CFTR: variants seen among roughly 807,000 people sequenced by gnomAD.
CFTR encodes cystic fibrosis transmembrane conductance regulator.
In CFTR, 181 loss-of-function variants were observed where a neutral mutation model predicts 171.6. The observed-to-expected ratio is 1.05, with a 90% confidence interval of 0.93 to 1.19. The LOEUF (loss-of-function observed/expected upper bound fraction) is 1.19. Among genes scored for constraint, CFTR ranks in the 50% most tolerant of loss-of-function variants. The probability of loss-of-function intolerance (pLI) is 0.00; values close to 1 mark genes in which losing one functional copy is unlikely to be tolerated. For synonymous variants in CFTR, 583 were observed against 608.0 expected, an observed-to-expected ratio of 0.96 and a Z score of 0.60; for missense variants, 1,968 against 1,734.7, an observed-to-expected ratio of 1.13 and a Z score of -2.39.
intron 22 of CFTR, among the ~76,000 whole-genome samples, chr7:117,635,984 G>C (rs1381431198): frequency 6.6e-6 from 1 of 151,956 alleles, no homozygotes; most frequent in Non-Finnish European, 1.5e-5. Flanking sequence ...GTAGATCCAA[G>C]TTTCTGACCT....
At chr7:117,538,186 C>G (rs1798989401) in intron 7 of CFTR, among the ~76,000 whole-genome samples, 1 of 152,152 alleles carries the variant, frequency 6.6e-6, no homozygotes, top group Admixed American at 6.5e-5. Flanking sequence ...TGCTCCTACT[C>G]AAGAGAGCAA....
At chr7:117,561,861 A>C (rs544135389) in intron 11 of CFTR, among the ~76,000 whole-genome samples, 3 of 152,186 alleles carry the variant, frequency 2.0e-5, no homozygotes, top group Non-Finnish European at 4.4e-5. Context: ...ACCTCCTTAC[A>C]CAAAGAGGCA....
chr7:117,542,407 G>A (rs1031776268), intron 9 of CFTR, among the ~76,000 whole-genome samples: 6 of 152,024 alleles, frequency 3.9e-5, no homozygotes, highest in African/African-American at 1.4e-4. Context: ...AATTAACTGG[G>A]CATGGTGGCA....
chr7:117,625,973 T>C lies in CFTR; in HGVS notation c.3469-1549T>C, dbSNP rs4148720. 6.0e-4 allele frequency among the ~76,000 whole-genome samples: 92 copies of C among 152,296 alleles called. 2 individuals carry two copies. The East Asian group carries it at 0.017, about 28-fold the overall frequency. On this transcript the variant is annotated intron_variant, in intron 21 of 26. Transcript: ENST00000003084. ...ATTACATGTGGAACAATCATGACTA[T>C]ATGCCTTTTACTTTCTCTATCATTA...
At chr7:117,601,016 C>A (rs993505131) in intron 15 of CFTR, among the ~76,000 whole-genome samples, 1 of 151,964 alleles carries the variant, frequency 6.6e-6, no homozygotes, top group African/African-American at 2.4e-5. Flanking sequence ...CTAGACCAGT[C>A]TTTGAACATC....
At chr7:117,649,136 A>G (rs1793041227) in intron 23 of CFTR, among the ~76,000 whole-genome samples, 1 of 151,816 alleles carries the variant, frequency 6.6e-6, no homozygotes, top group East Asian at 1.9e-4. Context: ...CTATTAGACT[A>G]TAGTATTATG....
chr7:117,486,479 T>A (rs1256554298), intron 1 of CFTR, among the ~76,000 whole-genome samples: 1 of 152,058 alleles, frequency 6.6e-6, no homozygotes, highest in Non-Finnish European at 1.5e-5. Flanking sequence ...AAGGAAGGCT[T>A]GCTGGGGGAA....
At chr7:117,604,400 A>G (rs1478570219) in intron 17 of CFTR, among the ~76,000 whole-genome samples, 2 of 152,186 alleles carry the variant, frequency 1.3e-5, no homozygotes, top group African/African-American at 4.8e-5. Flanking sequence ...ATTTGCACTT[A>G]AAGACTGAGG....
intron 15 of CFTR, among the ~76,000 whole-genome samples, chr7:117,596,273 A>C (rs1289245094): frequency 6.6e-6 from 1 of 152,226 alleles, no homozygotes; most frequent in East Asian, 1.9e-4. Context: ...CCAGGCAGTG[A>C]GGGGCTTAGC....
chr7:117,574,272 C>T (rs1394878600), intron 11 of CFTR, among the ~76,000 whole-genome samples: 1 of 151,960 alleles, frequency 6.6e-6, no homozygotes, highest in Non-Finnish European at 1.5e-5. Flanking sequence ...GTAATCAGAA[C>T]AGGTACAGAC....
Position 117,536,598 on chromosome 7 carries a change from T to G in CFTR, c.794T>G (p.Met265Arg), listed in dbSNP as rs148519623. Residue 265 changes from methionine to arginine, a missense_variant, in exon 7 of 27, where the codon ATG becomes AGG. Coordinates refer to ENST00000003084, the MANE Select transcript of CFTR (RefSeq NM_000492.4). The part of the protein sequence containing the change: ...ISERLVITSE[M>R]IENIQSVKAY... ...GAAAGACTTGTGATTACCTCAGAAA[T>G]GATTGAAAATATCCAATCTGTTAAG... The G allele has an allele frequency of 2.4e-5, 39 of 1,607,876 alleles. No individual in the cohort carries two copies. The highest frequency in any genetic ancestry group is 3.0e-5 in the Non-Finnish European group (35 of 1,176,546).
intron 24 of CFTR, among the ~76,000 whole-genome samples, chr7:117,653,624 C>T (rs959616783): frequency 2.6e-5 from 4 of 151,958 alleles, no homozygotes; most frequent in African/African-American, 4.8e-5. Flanking sequence ...GAGGAGGTGG[C>T]GGGGGGGACA....
intron 1 of CFTR, among the ~76,000 whole-genome samples, chr7:117,481,493 T>C (rs1797999595): frequency 6.6e-6 from 1 of 152,234 alleles, no homozygotes; most frequent in African/African-American, 2.4e-5. Flanking sequence ...TAGCTTACTA[T>C]TGATCTGTCA....
At chr7:117,599,171 A>G (rs1005684671) in intron 15 of CFTR, among the ~76,000 whole-genome samples, 21 of 152,198 alleles carry the variant, frequency 1.4e-4, no homozygotes, top group African/African-American at 5.1e-4. Flanking sequence ...ACCAACATGA[A>G]TGTGAATAAA....
chr7:117,638,834 T>G (rs1031163086), intron 22 of CFTR, among the ~76,000 whole-genome samples: 23 of 152,238 alleles, frequency 1.5e-4, no homozygotes, highest in Middle Eastern at 3.4e-3. Flanking sequence ...ATATAAATTC[T>G]ACTGCCTTGC....
intron 11 of CFTR, among the ~76,000 whole-genome samples, chr7:117,561,817 G>A (rs536440166): frequency 6.6e-6 from 1 of 152,170 alleles, no homozygotes; most frequent in Admixed American, 6.5e-5. Flanking sequence ...GAGGTAGCAT[G>A]GACTCTATCT....
intron 1 of CFTR, among the ~76,000 whole-genome samples, chr7:117,492,460 AATTG>A (rs1798175350): frequency 6.6e-6 from 1 of 151,946 alleles, no homozygotes; most frequent in Non-Finnish European, 1.5e-5. Context: ...TTGTGTAATT[AATTG>A]ATTGACCCAT....
At chr7:117,657,584 A>C (rs1292819603) in intron 24 of CFTR, among the ~76,000 whole-genome samples, 1 of 152,186 alleles carries the variant, frequency 6.6e-6, no homozygotes, top group African/African-American at 2.4e-5. Flanking sequence ...AATTTGTCCA[A>C]ACAGGACATT....
intron 11 of CFTR, among the ~76,000 whole-genome samples, chr7:117,587,154 G>A (rs1791948491): frequency 6.6e-6 from 1 of 152,112 alleles, no homozygotes; most frequent in South Asian, 2.1e-4. Context: ...AATGGAGAGA[G>A]GTCGTGAGAA....
Sources: allele counts gnomAD v4.1 joint callset (sites outside exome capture counted in the v4.1 genomes callset), GRCh38; gene constraint gnomAD v4.1.1; transcripts MANE v1.5; gene names NCBI Gene and HGNC (gene_info 2026-07-23, HGNC 2026-07-21).